DYRK1A: variants seen among roughly 807,000 people sequenced by gnomAD.
The protein encoded by DYRK1A is dual specificity tyrosine-phosphorylation-regulated kinase 1A.
DYRK1A carries 9 observed loss-of-function variants against 79.7 expected under a neutral mutation model. The observed-to-expected ratio is 0.11, with a 90% CI of 0.07 to 0.20. DYRK1A has a LOEUF of 0.20. Ranked by LOEUF, DYRK1A falls within the 10% of genes least tolerant of loss-of-function variation. DYRK1A has a pLI of 1.00. For missense variants in DYRK1A, 622 were observed against 956.0 expected (o/e 0.65, Z 4.61); for synonymous variants, 349 against 329.7 (o/e 1.06, Z -0.63).
intron 2 of DYRK1A, among the ~76,000 whole-genome samples, chr21:37,468,359 G>A (rs1038215388): frequency 1.3e-5 from 2 of 151,804 alleles, no homozygotes; most frequent in African/African-American, 4.8e-5. Context: ...TTCCCGCCTT[G>A]GCCTCCCAAA....
At chr21:37,495,237 C>T (rs1049425412) in intron 8 of DYRK1A, among the ~76,000 whole-genome samples, 1 of 149,304 alleles carries the variant, frequency 6.7e-6, no homozygotes, top group Non-Finnish European at 1.5e-5. Flanking sequence ...GGGTTGGGTG[C>T]CGTACCTCAC....
intron 1 of DYRK1A, among the ~76,000 whole-genome samples, chr21:37,405,748 G>C (rs752141698): frequency 5.9e-5 from 9 of 152,108 alleles, no homozygotes; most frequent in Non-Finnish European, 1.0e-4. Context: ...GGTGTATGGT[G>C]TGTGCGTAGT....
intron 2 of DYRK1A, among the ~76,000 whole-genome samples, chr21:37,435,422 T>C (rs926705169): frequency 4.6e-5 from 7 of 152,170 alleles, no homozygotes; most frequent in Non-Finnish European, 1.0e-4. Context: ...TTTAATGATC[T>C]GCAGCAGTTC....
chr21:37,463,046 A>G (rs930051949), intron 2 of DYRK1A, among the ~76,000 whole-genome samples: 6 of 152,166 alleles, frequency 3.9e-5, no homozygotes, highest in Non-Finnish European at 7.4e-5. Context: ...TTTAATATAT[A>G]GATTCAGTTA....
At chr21:37,384,357 C>T (rs1296007414) in intron 1 of DYRK1A, among the ~76,000 whole-genome samples, 1 of 152,074 alleles carries the variant, frequency 6.6e-6, no homozygotes, top group Non-Finnish European at 1.5e-5. Context: ...TCAGAGTTTA[C>T]AGAGGGCTGA....
intron 1 of DYRK1A, among the ~76,000 whole-genome samples, chr21:37,371,591 C>T (rs1156516961): frequency 6.6e-6 from 1 of 152,156 alleles, no homozygotes; most frequent in Non-Finnish European, 1.5e-5. Context: ...TGTATCTTCT[C>T]TTCTAGAAAG....
chr21:37,451,578 C>T (rs1458826470), intron 2 of DYRK1A, among the ~76,000 whole-genome samples: 1 of 149,138 alleles, frequency 6.7e-6, no homozygotes, highest in Non-Finnish European at 1.5e-5. Flanking sequence ...CTAGCGTGGG[C>T]GTGCAGTAGG....
chr21:37,506,347 A>G, intron 11 of DYRK1A, 124 bp downstream of exon 11: 1 of 1,573,742 alleles, frequency 6.4e-7, no homozygotes, highest in Non-Finnish European at 8.6e-7. Flanking sequence ...GTTCCTGTCT[A>G]AGGAAATGTA....
intron 2 of DYRK1A, among the ~76,000 whole-genome samples, chr21:37,425,950 C>T (rs1188642914): frequency 6.6e-6 from 1 of 152,162 alleles, no homozygotes; most frequent in African/African-American, 2.4e-5. Flanking sequence ...TTGAGAAGAG[C>T]AGCTGGAACT....
chr21:37,453,417 T>TG (rs1555970746), intron 2 of DYRK1A, among the ~76,000 whole-genome samples: 1 of 151,968 alleles, frequency 6.6e-6, no homozygotes, highest in East Asian at 1.9e-4. Flanking sequence ...GAAGATGAGT[T>TG]GGTTGTTAAA....
intron 1 of DYRK1A, among the ~76,000 whole-genome samples, chr21:37,396,918 C>G (rs187301303): frequency 7.0e-4 from 106 of 152,230 alleles, no homozygotes; most frequent in African/African-American, 2.2e-3. Flanking sequence ...AGGTGAGTGC[C>G]TAGGTTGGTG....
At chr21:37,407,061 C>T (rs1015413208) in intron 1 of DYRK1A, among the ~76,000 whole-genome samples, 5 of 151,490 alleles carry the variant, frequency 3.3e-5, no homozygotes, top group Non-Finnish European at 2.9e-5. Context: ...TTTTCCTTTG[C>T]GTCTTCATTT....
intron 5 of DYRK1A, among the ~76,000 whole-genome samples, chr21:37,485,416 T>A (rs551382729): frequency 1.3e-5 from 2 of 152,252 alleles, no homozygotes; most frequent in South Asian, 2.1e-4. Context: ...ATTAGTGCAT[T>A]TTTTATTCCA....
chr21:37,383,748 A>T (rs1211597610), intron 1 of DYRK1A, among the ~76,000 whole-genome samples: 1 of 152,236 alleles, frequency 6.6e-6, no homozygotes, highest in Non-Finnish European at 1.5e-5. Flanking sequence ...TAAGATGTAG[A>T]GTAAACAAGA....
In DYRK1A at chr21:37,518,099, C is replaced by G. The variant is rs1048698026; in HGVS notation, c.*5568C>G. 1 of 152,224 alleles carries G rather than the reference C, an allele frequency of 6.6e-6. No individual in the cohort carries two copies. The highest frequency in any genetic ancestry group is 2.4e-5 in the African/African-American group (1 of 41,416). The allele number at this position is 152,224 out of a possible 1,614,324, so 9.4% of individuals were successfully genotyped here. On this transcript the variant is annotated 3_prime_UTR_variant, in exon 12 of 12. Coordinates refer to ENST00000647188, the MANE Select transcript of DYRK1A (RefSeq NM_001347721.2). ...TTTGCTGAGTTGCTCAGGCGCTCCT[C>G]AAACTGCTGGCCTCAAGTGATCCTC...
At chr21:37,495,267 T>C (rs1263087504) in intron 8 of DYRK1A, among the ~76,000 whole-genome samples, 1 of 151,566 alleles carries the variant, frequency 6.6e-6, no homozygotes, top group Non-Finnish European at 1.5e-5. Context: ...CCCAGCACTT[T>C]GGGAGGTCAA....
rs559328533 is a variant in DYRK1A, at chr21:37,502,656, A to G, written c.1213-2627A>G. On this transcript the variant is annotated intron_variant, in intron 9 of 11. Coordinates refer to ENST00000647188, the MANE Select transcript of DYRK1A (RefSeq NM_001347721.2). ...TTTAAAAAGACATAAAATAAGGATAATAGATCTTTTATATTTATCCTTATA... is the reference window on the plus strand; with the variant it reads ...TTTAAAAAGACATAAAATAAGGATAGTAGATCTTTTATATTTATCCTTATA... 6 of 152,336 alleles carry G rather than the reference A, an allele frequency of 3.9e-5. No homozygotes were observed. In the South Asian group the frequency reaches 1.2e-3, roughly 32 times the overall value. The allele number at this position is 152,336 out of a possible 1,614,324, so 9.4% of individuals were successfully genotyped here.
At chr21:37,380,048 G>A (rs1375772386) in intron 1 of DYRK1A, among the ~76,000 whole-genome samples, 1 of 152,150 alleles carries the variant, frequency 6.6e-6, no homozygotes, top group Admixed American at 6.5e-5. Flanking sequence ...AGCGAACATA[G>A]AGTCTATAAA....
intron 1 of DYRK1A, among the ~76,000 whole-genome samples, chr21:37,388,784 A>G (rs1317922200): frequency 6.6e-6 from 1 of 151,284 alleles, no homozygotes; most frequent in African/African-American, 2.4e-5. Context: ...AGCTGAGACT[A>G]CAGGTGCCCA....
Sources: allele counts gnomAD v4.1 joint callset (sites outside exome capture counted in the v4.1 genomes callset), GRCh38; gene constraint gnomAD v4.1.1; transcripts MANE v1.5; gene names NCBI Gene and HGNC (gene_info 2026-07-23, HGNC 2026-07-21).